Variants in SCUBE1 observed in about 807,000 individuals in gnomAD.
The protein encoded by SCUBE1 is signal peptide, CUB and EGF-like domain-containing protein 1.
A neutral mutation model predicts 124.4 loss-of-function variants in SCUBE1; 59 were observed. That is an observed-to-expected ratio of 0.47 (90% CI 0.38 to 0.59). The LOEUF (loss-of-function observed/expected upper bound fraction) is 0.59, where lower values mean the gene tolerates loss of function less well. Ranked by LOEUF, SCUBE1 falls within the 20% of genes least tolerant of loss-of-function variation. SCUBE1 has a pLI of 0.00. For missense variants in SCUBE1, 1,150 were observed against 1,371.2 expected, an observed-to-expected ratio of 0.84 and a Z score of 2.55; for synonymous variants, 545 against 550.9, an observed-to-expected ratio of 0.99 and a Z score of 0.15.
chr22:43,339,688 C>G lies in SCUBE1; in HGVS notation c.89-453G>C, dbSNP rs1419251963. 5.9e-5 allele frequency among the ~76,000 whole-genome samples: 8 copies of G among 134,730 alleles called. No homozygotes were observed. The East Asian group carries it at 9.4e-4, about 16-fold the overall frequency. The allele number at this position is 134,730 out of a possible 152,430, so 88.4% of individuals were successfully genotyped here. On this transcript the variant is annotated intron_variant, in intron 1 of 21. Coordinates refer to ENST00000360835, the MANE Select transcript of SCUBE1 (RefSeq NM_173050.5). Reference sequence around the variant, plus strand: ...CCCCATTCTCCTCACTCTATCCCCCCACAAGCATTGCTCCAACCCTCCCCC... The same window carrying G: ...CCCCATTCTCCTCACTCTATCCCCCGACAAGCATTGCTCCAACCCTCCCCC...
chr22:43,342,409 G>C (rs1413008875), intron 1 of SCUBE1, among the ~76,000 whole-genome samples: 3 of 151,916 alleles, frequency 2.0e-5, no homozygotes, highest in Non-Finnish European at 2.9e-5. Context: ...CCTTCCCTCT[G>C]TCTTTCCTCC....
chr22:43,268,044 C>A (rs780327319), intron 4 of SCUBE1, among the ~76,000 whole-genome samples: 19 of 152,210 alleles, frequency 1.2e-4, no homozygotes, highest in Non-Finnish European at 2.4e-4. Context: ...TTGGAAGGAC[C>A]CCCCGGGCCT....
At chr22:43,230,480 G>T (rs1162171867) in intron 8 of SCUBE1, among the ~76,000 whole-genome samples, 1 of 152,170 alleles carries the variant, frequency 6.6e-6, no homozygotes, top group Admixed American at 6.5e-5. Flanking sequence ...TGAGGACAGG[G>T]CCTCACAAGC....
intron 4 of SCUBE1, among the ~76,000 whole-genome samples, chr22:43,277,410 G>A (rs1446905956): frequency 2.0e-5 from 3 of 152,128 alleles, no homozygotes; most frequent in Non-Finnish European, 2.9e-5. Context: ...GGCAGCTGCC[G>A]CACTAACTCA....
chr22:43,239,488 A>C (rs1367982013), intron 6 of SCUBE1, among the ~76,000 whole-genome samples: 1 of 152,274 alleles, frequency 6.6e-6, no homozygotes, highest in Non-Finnish European at 1.5e-5. Flanking sequence ...TTTCAGCCCA[A>C]CATCTGTTCT....
chr22:43,333,412 T>G (rs954297095), intron 2 of SCUBE1, among the ~76,000 whole-genome samples: 3 of 152,168 alleles, frequency 2.0e-5, no homozygotes, highest in African/African-American at 7.2e-5. Context: ...TCATCACACA[T>G]GTCCACTGGC....
intron 2 of SCUBE1, among the ~76,000 whole-genome samples, chr22:43,329,935 G>A (rs1409080963): frequency 6.6e-6 from 1 of 152,166 alleles, no homozygotes; most frequent in Non-Finnish European, 1.5e-5. Context: ...ATAAGAAGCG[G>A]CTAAGAGGAG....
In SCUBE1 at chr22:43,211,803, T is replaced by C. The variant is rs1431483374; in HGVS notation, c.2221+622A>G. Among the ~76,000 whole-genome samples the C allele has an allele frequency of 2.0e-5, 3 of 152,044 alleles. No individual in the cohort carries two copies. Among genetic ancestry groups the C allele is most frequent in the Non-Finnish European group, 4.4e-5 (3 of 68,002 alleles). ...CCTCCCAAAGTGCTGGGATTATAGG[T>C]GTGTGCCACCGCACCTGGCTTCTTT... On this transcript the variant is annotated intron_variant, in intron 17 of 21. Transcript: ENST00000360835. This position sits in a 1 kb window ranked among gnomAD's most constrained non-coding sequence, Gnocchi z 4.5.
In SCUBE1 at chr22:43,291,073, G is replaced by C; in HGVS notation, c.457C>G (p.Gln153Glu). The change falls in exon 4 of 22, where the codon CAG (glutamine) becomes GAG (glutamate). Residue 153 changes from glutamine (Q) to glutamate (E), a missense_variant. Physicochemically the swap from Gln to Glu is conservative, Grantham distance 29 (BLOSUM62 2). Coordinates refer to ENST00000360835, the MANE Select transcript of SCUBE1 (RefSeq NM_173050.5). ...CHSGFFLSDN[Q>E]HTCIHRSNEG... ...TTGGAGCGGTGGATGCAGGTATGCT[G>C]GTTGTCACTAAGGAAGAAGCCACTG... 2 of 1,612,594 alleles carry C rather than the reference G, an allele frequency of 1.2e-6. No individual in the cohort carries two copies. Among genetic ancestry groups the C allele is most frequent in the Non-Finnish European group, 1.7e-6 (2 of 1,179,126 alleles).
rs1923741042 is a variant in SCUBE1 at position 43,258,262 on chromosome 22, G to T, written c.684C>A (p.Cys228Ter). ...EDTDTGPTCG[C>*]HQKYALHSDG... ...CTGAGTGGAGGGCGTACTTCTGGTG[G>T]CAACCACACGTGGGGCCTGTGTCTG... The change falls in exon 6 of 22, where the codon TGC becomes TGA. Residue 228 changes from cysteine (C) to a stop codon, truncating the protein, a stop_gained. Transcript: ENST00000360835. LOFTEE classifies it high-confidence loss of function. This position sits in a 1 kb window ranked among gnomAD's most constrained non-coding sequence, Gnocchi z 5.0. The T allele has an allele frequency of 6.2e-7, 1 of 1,613,960 alleles. No individual in the cohort carries two copies. The highest frequency in any genetic ancestry group is 1.3e-5 in the African/African-American group (1 of 74,914).
At chr22:43,280,138 G>C (rs888327627) in intron 4 of SCUBE1, among the ~76,000 whole-genome samples, 40 of 152,110 alleles carry the variant, frequency 2.6e-4, no homozygotes, top group African/African-American at 8.9e-4. Context: ...CAAGGCGCTG[G>C]GCAGGGTTCG....
intron 3 of SCUBE1, among the ~76,000 whole-genome samples, chr22:43,301,731 C>G (rs1177040075): frequency 6.6e-6 from 1 of 152,220 alleles, no homozygotes; most frequent in African/African-American, 2.4e-5. Context: ...CCCCTGAGAA[C>G]AGGGACCCTG....
Position 43,210,358 on chromosome 22 carries a change from C to T in SCUBE1, c.2384-118G>A, listed in dbSNP as rs552849033. 2.5e-6 allele frequency: 2 copies of T among 814,620 alleles called. No homozygotes were observed. Among genetic ancestry groups the T allele is most frequent in the African/African-American group, 1.8e-5 (1 of 56,326 alleles). The allele number at this position is 814,620 out of a possible 1,614,324, so 50.5% of individuals were successfully genotyped here. A position where few individuals can be genotyped will look rare whatever the true frequency, so the allele number is the denominator to read the frequency against. ...GGGCTGGAAGGTGCTCTTGTCCCCC[C>T]CCACACTAGCCCTCGGACCCTGAGC... On this transcript the variant is annotated intron_variant, in intron 18 of 21. Transcript: ENST00000360835. The surrounding 1 kb of genome is among the most constrained non-coding windows in gnomAD (Gnocchi z 4.5).
intron 7 of SCUBE1, 179 bp from the exon 8 acceptor site, chr22:43,232,054 G>T: frequency 3.1e-6 from 2 of 647,430 alleles, no homozygotes; most frequent in South Asian, 1.8e-5. Context: ...GTCTCGCAGG[G>T]GTCAGGGTCG....
intron 3 of SCUBE1, among the ~76,000 whole-genome samples, chr22:43,319,628 G>A (rs531087547): frequency 6.7e-6 from 1 of 149,292 alleles, no homozygotes; most frequent in African/African-American, 2.5e-5. Context: ...TGCATGCAAA[G>A]TGGGAAGACC....
At chr22:43,262,918 G>A (rs1923925710) in intron 4 of SCUBE1, 73 bp from the exon 5 acceptor site, 1 of 1,518,966 alleles carries the variant, frequency 6.6e-7, no homozygotes, top group Non-Finnish European at 9.0e-7. Context: ...CAGGCTGAAA[G>A]GGGATAGCCA....
chr22:43,262,948 T>C lies in SCUBE1; in HGVS notation c.485-103A>G, dbSNP rs1339057417. ...TAGCCAATGATATGTAACAATCAAA[T>C]GGGCTGTCATTGCATGTATCATGCA... On this transcript the variant is annotated intron_variant, in intron 4 of 21. Transcript: ENST00000360835. 1.9e-5 allele frequency: 24 copies of C among 1,285,924 alleles called. No individual in the cohort carries two copies. In the East Asian group the frequency reaches 5.2e-4, roughly 28 times the overall value. 79.7% of individuals were successfully genotyped at this position (1,285,924 alleles called of 1,614,324 possible). A position where few individuals can be genotyped will look rare whatever the true frequency, so the allele number is the denominator to read the frequency against.
intron 3 of SCUBE1, among the ~76,000 whole-genome samples, chr22:43,312,364 T>A (rs1288517190): frequency 1.3e-5 from 2 of 152,110 alleles, no homozygotes; most frequent in Non-Finnish European, 2.9e-5. Context: ...GCTTGAAGGA[T>A]GAGCAGGACC....
chr22:43,306,924 C>A (rs764555889), intron 3 of SCUBE1, among the ~76,000 whole-genome samples: 9 of 152,206 alleles, frequency 5.9e-5, no homozygotes, highest in Non-Finnish European at 8.8e-5. Context: ...TTTCCCAGCG[C>A]TTCTACCCAG....
Sources: allele counts gnomAD v4.1 joint callset (sites outside exome capture counted in the v4.1 genomes callset), GRCh38; gene constraint gnomAD v4.1.1; non-coding constraint Gnocchi (gnomAD v3.1); transcripts MANE v1.5; gene names NCBI Gene and HGNC (gene_info 2026-07-23, HGNC 2026-07-21).